Variants in OR1J2 observed in about 807,000 individuals in gnomAD.
OR1J2 encodes the protein olfactory receptor 1J2.
For synonymous variants in OR1J2, 142 were observed against 99.7 expected (o/e 1.42, Z -2.52); for missense variants, 304 against 246.1 (o/e 1.24, Z -1.57).
At chr9:122,496,596 G>A in the OR1J2 span, among the ~76,000 whole-genome samples, 1 of 152,148 alleles carries the variant, frequency 6.6e-6, no homozygotes, top group African/African-American at 2.4e-5. Context: ...CTGATGACAC[G>A]TGCCCAAGGT....
chr9:122,477,506 A>T, the OR1J2 span: 11 of 1,614,192 alleles, frequency 6.8e-6, no homozygotes, highest in Non-Finnish European at 8.5e-6. Context: ...AGCATGACAC[A>T]CTGGCTCTGA....
the OR1J2 span, among the ~76,000 whole-genome samples, chr9:122,535,726 C>A: frequency 6.6e-6 from 1 of 152,096 alleles, no homozygotes; most frequent in Non-Finnish European, 1.5e-5. Context: ...GTCCCCTGAT[C>A]CGAGTCATGG....
the OR1J2 span, among the ~76,000 whole-genome samples, chr9:122,580,245 A>G: frequency 9.2e-5 from 14 of 152,354 alleles, no homozygotes; most frequent in African/African-American, 2.4e-4. Context: ...CGTCATTTCA[A>G]TATTTTAAAT....
the OR1J2 span, among the ~76,000 whole-genome samples, chr9:122,467,105 A>G: frequency 6.6e-6 from 1 of 152,152 alleles, no homozygotes; most frequent in Non-Finnish European, 1.5e-5. Flanking sequence ...GATTACAGGC[A>G]TGAGCCACCA....
the OR1J2 span, among the ~76,000 whole-genome samples, chr9:122,495,846 C>G: frequency 1.3e-5 from 2 of 152,060 alleles, no homozygotes; most frequent in African/African-American, 4.8e-5. Flanking sequence ...GATTCAAGGG[C>G]TGCTGTTCAG....
chr9:122,513,365 CTA>C (rs1397123354), downstream of OR1J2, among the ~76,000 whole-genome samples: 3 of 152,146 alleles, frequency 2.0e-5, no homozygotes, highest in Admixed American at 1.3e-4. Context: ...GATATTTGAT[CTA>C]TGTGTGGAAT....
the OR1J2 span, among the ~76,000 whole-genome samples, chr9:122,577,467 T>G: frequency 2.0e-5 from 3 of 152,054 alleles, no homozygotes; most frequent in South Asian, 6.2e-4. Flanking sequence ...GGCAAACACC[T>G]CAATAATAAA....
chr9:122,554,811 G>A, the OR1J2 span, among the ~76,000 whole-genome samples: 3 of 31,768 alleles, frequency 9.4e-5, no homozygotes, highest in African/African-American at 2.7e-4. Context: ...CTCTTCTGTT[G>A]TAGTAAATAG....
At position 122,511,323 on chromosome 9, in the gene OR1J2, C is replaced by G; in HGVS notation, c.522C>G (p.Ile174Met). The G allele has an allele frequency of 1.4e-6, 1 of 727,958 alleles. No individual in the cohort carries two copies. The highest frequency in any genetic ancestry group is 2.5e-6 in the Non-Finnish European group (1 of 393,654). The allele number at this position is 727,958 out of a possible 1,614,324, so 45.1% of individuals were successfully genotyped here. Residue 174 changes from isoleucine to methionine, a missense_variant, in exon 1 of 1, where the codon ATC (isoleucine) becomes ATG (methionine). Physicochemically the swap from Ile to Met is conservative, Grantham distance 10. Transcript: ENST00000335302. The stretch of plus-strand genomic sequence containing the variant: ...TGTCTTTCTGTGCTGCGAACACCAT[C>G]CCCCATGTCTTCTGTGACCTTGCTG... ...TRLSFCAANT[I>M]PHVFCDLAAL... is the part of the protein sequence containing the mutation.
the OR1J2 span, among the ~76,000 whole-genome samples, chr9:122,501,254 A>T: frequency 6.6e-6 from 1 of 152,158 alleles, no homozygotes; most frequent in African/African-American, 2.4e-5. Flanking sequence ...ATTTCATAGG[A>T]AAGACTATGG....
chr9:122,468,940 G>A, the OR1J2 span, among the ~76,000 whole-genome samples: 1 of 152,212 alleles, frequency 6.6e-6, no homozygotes, highest in East Asian at 1.9e-4. Flanking sequence ...AACTCTGACA[G>A]ACCAGCTTTT....
chr9:122,553,316 T>C, the OR1J2 span: 1 of 1,614,052 alleles, frequency 6.2e-7, no homozygotes, highest in Non-Finnish European at 8.5e-7. Flanking sequence ...GCATCTTCCT[T>C]GGCATGTACC....
At chr9:122,550,817 G>A in the OR1J2 span, among the ~76,000 whole-genome samples, 1 of 151,444 alleles carries the variant, frequency 6.6e-6, no homozygotes, top group East Asian at 1.9e-4. Flanking sequence ...AAAGCTGAAC[G>A]CATTCCCCCT....
chr9:122,459,934 A>C, the OR1J2 span, among the ~76,000 whole-genome samples: 3 of 152,148 alleles, frequency 2.0e-5, no homozygotes, highest in South Asian at 4.1e-4. Flanking sequence ...AGACGCTTTT[A>C]ATGGCAAATA....
At chr9:122,451,516 T>C in the OR1J2 span, among the ~76,000 whole-genome samples, 1 of 152,042 alleles carries the variant, frequency 6.6e-6, no homozygotes, top group African/African-American at 2.4e-5. Context: ...TCAACAGAGG[T>C]GTTGAGCTGC....
chr9:122,526,801 A>T, the OR1J2 span: 1 of 1,614,152 alleles, frequency 6.2e-7, no homozygotes, highest in Admixed American at 1.7e-5. Flanking sequence ...ACACAGAAGG[A>T]CAACCGAGCC....
chr9:122,567,723 A>T, the OR1J2 span: 4 of 1,614,076 alleles, frequency 2.5e-6, no homozygotes, highest in Non-Finnish European at 3.4e-6. Context: ...GCTTCCATAA[A>T]AGAGCGTCAC....
the OR1J2 span, among the ~76,000 whole-genome samples, chr9:122,523,552 A>C: frequency 6.6e-6 from 1 of 152,278 alleles, no homozygotes; most frequent in East Asian, 1.9e-4. Context: ...CAGGTAACAG[A>C]TAATGTGTGC....
the OR1J2 span, among the ~76,000 whole-genome samples, chr9:122,566,520 G>A: frequency 1.3e-5 from 2 of 152,070 alleles, no homozygotes; most frequent in Non-Finnish European, 2.9e-5. Context: ...GCTTTTCAAG[G>A]AAGCAGTAAA....
Sources: gnomAD v4.1 joint callset for allele counts (sites outside exome capture counted in the v4.1 genomes callset) on GRCh38, gnomAD v4.1.1 for gene constraint, MANE v1.5 for transcripts, NCBI Gene and HGNC (gene_info 2026-07-23, HGNC 2026-07-21) for gene names.